PCDHGB1: variants seen among roughly 807,000 people sequenced by gnomAD.
PCDHGB1 encodes protocadherin gamma-B1.
PCDHGB1 carries 34 observed loss-of-function variants against 56.6 expected under a neutral mutation model. That is an observed-to-expected ratio of 0.60 (90% CI 0.46 to 0.80). The LOEUF (loss-of-function observed/expected upper bound fraction) is 0.80, where lower values mean the gene tolerates loss of function less well. Ranked by LOEUF, PCDHGB1 falls within the 30% of genes least tolerant of loss-of-function variation. The pLI, the probability that PCDHGB1 is intolerant of heterozygous loss-of-function variation, is 0.00. For synonymous variants in PCDHGB1, 561 were observed against 505.9 expected (o/e 1.11, Z -1.46); for missense variants, 1,278 against 1,204.6 (o/e 1.06, Z -0.90).
chr5:141,350,311 C>G lies in PCDHGB1; in HGVS notation c.51C>G (p.Pro17=). 1 of 1,523,378 alleles carries G rather than the reference C, an allele frequency of 6.6e-7. No homozygotes were observed. The highest frequency in any genetic ancestry group is 1.4e-5 in the African/African-American group (1 of 71,974). The allele number at this position is 1,523,378 out of a possible 1,614,324, so 94.4% of individuals were successfully genotyped here. Residue 17 remains proline, a synonymous_variant, in exon 1 of 4, where the codon CCC becomes CCG. Coordinates refer to ENST00000523390, the MANE Select transcript of PCDHGB1 (RefSeq NM_018922.3). ...AEMMKSQVLF[P]FLLSLFCGAI... is the part of the protein sequence containing the mutation. The stretch of plus-strand genomic sequence containing the variant: ...TGATGAAAAGTCAGGTACTGTTTCC[C>G]TTCCTGCTGTCTTTGTTCTGCGGGG...
At chr5:141,415,135 G>A (rs1224251849) in intron 1 of PCDHGB1, 7 of 1,613,666 alleles carry the variant, frequency 4.3e-6, no homozygotes, top group East Asian at 2.2e-5. Flanking sequence ...CCAGGACCAC[G>A]GCCAGCCCCC....
At chr5:141,356,062 A>C in intron 1 of PCDHGB1, 1 of 1,613,922 alleles carries the variant, frequency 6.2e-7, no homozygotes, top group Non-Finnish European at 8.5e-7. Flanking sequence ...AAGAGACAAA[A>C]TATCACAGCT....
At chr5:141,505,308 G>A in intron 2 of PCDHGB1, 85 bp from the exon 3 acceptor site, 1 of 1,598,660 alleles carries the variant, frequency 6.3e-7, no homozygotes, top group Non-Finnish European at 8.5e-7. Flanking sequence ...TAGGGTACTA[G>A]GTTTGGGAGC....
chr5:141,393,964 G>C, intron 1 of PCDHGB1: 1 of 1,613,870 alleles, frequency 6.2e-7, no homozygotes, highest in Middle Eastern at 1.6e-4. Flanking sequence ...CAAGTTGTCT[G>C]TTACACACGT....
rs754577584 is a variant in PCDHGB1, at chr5:141,384,611, G to A, written c.2409+31942G>A. The A allele has an allele frequency of 4.3e-6, 7 of 1,614,098 alleles. No individual in the cohort carries two copies. The highest frequency in any genetic ancestry group is 5.9e-6 in the Non-Finnish European group (7 of 1,180,050). On this transcript the variant is annotated intron_variant, in intron 1 of 3. Coordinates refer to ENST00000523390, the MANE Select transcript of PCDHGB1 (RefSeq NM_018922.3). ...CTGTACCCGGCCCTCCCCACAGATG[G>A]TTCTACTGGCATGGAGCTGGCACCC...
rs370299433 is a variant in PCDHGB1 at position 141,476,360 on chromosome 5, G to A, written c.2410-18447G>A. 5.3e-5 allele frequency: 86 copies of A among 1,614,186 alleles called. No homozygotes were observed. The highest frequency in any genetic ancestry group is 6.7e-5 in the Non-Finnish European group (79 of 1,180,042). ...CCGAAGATTCTTTGAGGTGAACCGG[G>A]AGACCGGAGAGATGTTTGTGAACGA... On this transcript the variant is annotated intron_variant, in intron 1 of 3. Transcript: ENST00000523390. This position sits in a 1 kb window ranked among gnomAD's most constrained non-coding sequence, Gnocchi z 7.6.
chr5:141,374,273 G>A, intron 1 of PCDHGB1: 1 of 1,614,012 alleles, frequency 6.2e-7, no homozygotes, highest in South Asian at 1.1e-5. Flanking sequence ...GGAGCACGGA[G>A]TCCGCATCGT....
intron 1 of PCDHGB1, among the ~76,000 whole-genome samples, chr5:141,379,889 CTTTTTTTTTTTTTTTTTT>C (rs70988800): frequency 3.9e-5 from 2 of 50,830 alleles, no homozygotes; most frequent in African/African-American, 6.6e-5. Context: ...GTGAAAGCCT[CTTTTTTTTTTTTTTTTTT>C]TTTTTTTTTT....
chr5:141,388,522 C>G, intron 1 of PCDHGB1: 1 of 1,613,868 alleles, frequency 6.2e-7, no homozygotes, highest in East Asian at 2.2e-5. Flanking sequence ...TTGACTTTGA[C>G]TGCCTTGGAC....
At position 141,351,744 on chromosome 5, in the gene PCDHGB1, G is replaced by C. The variant is rs1052633370; in HGVS notation, c.1484G>C (p.Arg495Pro). 5.0e-6 allele frequency: 8 copies of C among 1,613,526 alleles called. No individual in the cohort carries two copies. Among genetic ancestry groups the C allele is most frequent in the South Asian group, 1.1e-5 (1 of 91,090 alleles). The part of the protein sequence containing the change: ...YSILASDLEP[R>P]ELLSYVSVSP... ...ATTCTGGCCAGTGACCTGGAGCCGC[G>C]GGAGCTGTTGTCCTACGTGTCCGTG... Residue 495 changes from arginine to proline, a missense_variant, in exon 1 of 4, where the codon CGG becomes CCG. Coordinates refer to ENST00000523390, the MANE Select transcript of PCDHGB1 (RefSeq NM_018922.3).
chr5:141,499,921 C>A, intron 2 of PCDHGB1, among the ~76,000 whole-genome samples: 1 of 152,128 alleles, frequency 6.6e-6, no homozygotes, highest in Middle Eastern at 3.2e-3. Context: ...CTCCTGGCCT[C>A]AAGTGATCCA....
In PCDHGB1 at chr5:141,432,399, C is replaced by T. The variant is rs2097496727; in HGVS notation, c.2410-62408C>T. ...CACCCGCCCCTCAGCAGCAACGTGT[C>T]GTTGAGCCTGTTCGTGCTGGACCAG... is the stretch of plus-strand genomic sequence containing the variant. On this transcript the variant is annotated intron_variant, in intron 1 of 3. Coordinates refer to ENST00000523390, the MANE Select transcript of PCDHGB1 (RefSeq NM_018922.3). This position sits in a 1 kb window ranked among gnomAD's most constrained non-coding sequence, Gnocchi z 6.0. 1.2e-6 allele frequency: 2 copies of T among 1,614,240 alleles called. No homozygotes were observed. Among genetic ancestry groups the T allele is most frequent in the Non-Finnish European group, 1.7e-6 (2 of 1,180,040 alleles).
rs756966401 is a variant in PCDHGB1, at chr5:141,393,451, C to T, written c.2409+40782C>T. The T allele has an allele frequency of 5.0e-6, 8 of 1,614,058 alleles. No homozygotes were observed. In the South Asian group the frequency reaches 6.6e-5, roughly 13 times the overall value. On this transcript the variant is annotated intron_variant, in intron 1 of 3. Transcript: ENST00000523390. The stretch of plus-strand genomic sequence containing the variant: ...GAGGCTGCTCACCACCTGGTCCTCA[C>T]GGCCTCGGATGGCGGCAAGCCGCCT...
intron 1 of PCDHGB1, chr5:141,408,038 C>G (rs2095030679): frequency 8.6e-7 from 1 of 1,156,402 alleles, no homozygotes; most frequent in Admixed American, 3.0e-5. Flanking sequence ...AGAAAACCAG[C>G]TCCCACACAG....
At chr5:141,385,408 A>G in intron 1 of PCDHGB1, 1 of 1,478,414 alleles carries the variant, frequency 6.8e-7, no homozygotes, top group Middle Eastern at 1.8e-4. Flanking sequence ...TGTTTTGAAA[A>G]TAGGGATTTA....
rs1419377760 is a variant in PCDHGB1 at position 141,418,687 on chromosome 5, GATCACTT to G, written c.2409+66021_2409+66027del. ...ACCAGGACGAGGGCATCAACTCAGA[GATCACTT>G]ATTCCTTCTTTGGTGTGGCTGACAA... On this transcript the variant is annotated intron_variant, in intron 1 of 3. Transcript: ENST00000523390. 6 of 1,613,928 alleles carry G rather than the reference GATCACTT, an allele frequency of 3.7e-6. No individual in the cohort carries two copies. In the African/African-American group the frequency reaches 8.0e-5, roughly 22 times the overall value.
intron 1 of PCDHGB1, among the ~76,000 whole-genome samples, chr5:141,456,033 G>A (rs1398584179): frequency 6.6e-6 from 1 of 151,884 alleles, no homozygotes; most frequent in Non-Finnish European, 1.5e-5. Flanking sequence ...GAGTAGCTGG[G>A]ACTACAGGCG....
chr5:141,394,488 G>C lies in PCDHGB1; in HGVS notation c.2409+41819G>C, dbSNP rs753312224. 7.4e-6 allele frequency: 12 copies of C among 1,614,196 alleles called. No homozygotes were observed. In the South Asian group the frequency reaches 1.1e-4, roughly 15 times the overall value. ...GTTCGTGCTGGACCAGAATGACAAC[G>C]CGCCCGAGATCCTGTACCCCGCCCT... is the stretch of plus-strand genomic sequence containing the variant. On this transcript the variant is annotated intron_variant, in intron 1 of 3. Transcript: ENST00000523390.
intron 1 of PCDHGB1, chr5:141,355,783 G>A (rs1177303699): frequency 1.2e-6 from 2 of 1,613,802 alleles, no homozygotes; most frequent in Non-Finnish European, 1.7e-6. Flanking sequence ...CCCAGAGCTG[G>A]TGCTGGAACG....
Sources: gnomAD v4.1 joint callset for allele counts (sites outside exome capture counted in the v4.1 genomes callset) on GRCh38, gnomAD v4.1.1 for gene constraint, Gnocchi (gnomAD v3.1) non-coding constraint, MANE v1.5 for transcripts, NCBI Gene and HGNC (gene_info 2026-07-23, HGNC 2026-07-21) for gene names.